The following FMNL3 variants were observed in gnomAD, a reference collection of about 807,000 sequenced individuals.
The protein encoded by FMNL3 is formin like 3, also known as formin-like protein 3.
In FMNL3, 57 loss-of-function variants were observed where a neutral mutation model predicts 119.6. The observed-to-expected ratio is 0.48, with a 90% confidence interval of 0.39 to 0.59. The LOEUF is 0.59. FMNL3 is among the 20% of genes least tolerant of loss of function. The pLI, the probability that FMNL3 is intolerant of heterozygous loss-of-function variation, is 0.00. For synonymous variants in FMNL3, 491 were observed against 507.3 expected (o/e 0.97, Z 0.43); for missense variants, 1,053 against 1,323.5 (o/e 0.80, Z 3.17).
At position 49,645,013 on chromosome 12, in the gene FMNL3, A is replaced by T. The variant is rs1421175206; in HGVS notation, c.*802T>A. ...AGGAAAGGGAGGTGGTACATGTACA[A>T]AAAAGTGGGCCCCCACATTCCCTTC... On this transcript the variant is annotated 3_prime_UTR_variant, in exon 26 of 26. Transcript: ENST00000335154. 1 of 151,740 alleles carries T rather than the reference A, an allele frequency of 6.6e-6. No individual in the cohort carries two copies. The highest frequency in any genetic ancestry group is 1.5e-5 in the Non-Finnish European group (1 of 67,952). 9.4% of individuals were successfully genotyped at this position (151,740 alleles called of 1,614,324 possible). A position where few individuals can be genotyped will look rare whatever the true frequency, so the allele number is the denominator to read the frequency against.
chr12:49,646,060 T>C (rs1021739929), intron 25 of FMNL3, among the ~76,000 whole-genome samples, 157 bp from the exon 26 acceptor site: 6 of 151,930 alleles, frequency 3.9e-5, no homozygotes, highest in Non-Finnish European at 5.9e-5. Context: ...GTTGGGGAAA[T>C]TGCTGGTTGG....
At position 49,657,186 on chromosome 12, in the gene FMNL3, T is replaced by C. The variant is rs1304322095; in HGVS notation, c.610A>G (p.Ser204Gly). The change falls in exon 7 of 26, where the codon AGC becomes GGC. Residue 204 changes from serine to glycine, a missense_variant. Ser to Gly is a moderately conservative substitution (Grantham distance 56). This residue lies in a region of FMNL3 where 264 missense variants were observed against 265.5 expected (regional missense o/e 0.99). Transcript: ENST00000335154. ...AGGGCCCTGCGCCCAGGGAGAGTGC[T>C]ATACCTGGGGAGATGGGCCAGGCAG... is the stretch of plus-strand genomic sequence containing the variant. Reference protein sequence around the residue: ...RSARQSVLRYSTLPGRRALKN... With the variant: ...RSARQSVLRYGTLPGRRALKN... 2 of 1,613,492 alleles carry C rather than the reference T, an allele frequency of 1.2e-6. No homozygotes were observed. The highest frequency in any genetic ancestry group is 8.5e-7 in the Non-Finnish European group (1 of 1,179,682).
Position 49,636,962 on chromosome 12 carries a change from C to A in FMNL3, c.*8853G>T. 1 of 1,491,306 alleles carries A rather than the reference C, an allele frequency of 6.7e-7. No individual in the cohort carries two copies. 92.4% of individuals were successfully genotyped at this position (1,491,306 alleles called of 1,614,324 possible). Reference sequence around the variant, plus strand: ...CTGCCTGTTCTTTCTGTGCCTAGCCCTGTCCAAGCTCTATGAGACCTCTCT... The same window carrying A: ...CTGCCTGTTCTTTCTGTGCCTAGCCATGTCCAAGCTCTATGAGACCTCTCT... On this transcript the variant is annotated 3_prime_UTR_variant, in exon 26 of 26. Coordinates refer to ENST00000335154, the MANE Select transcript of FMNL3 (RefSeq NM_175736.5).
chr12:49,691,545 A>G (rs903984027), intron 1 of FMNL3, among the ~76,000 whole-genome samples: 3 of 152,240 alleles, frequency 2.0e-5, no homozygotes, highest in African/African-American at 7.2e-5. Context: ...GCCTACATTA[A>G]ATAATTTAAA....
Position 49,649,357 on chromosome 12 carries a change from G to A in FMNL3, c.2305-18C>T. 6.2e-7 allele frequency: 1 copy of A among 1,614,114 alleles called. No individual in the cohort carries two copies. Among genetic ancestry groups the A allele is most frequent in the South Asian group, 1.1e-5 (1 of 91,076 alleles). On this transcript the variant is annotated intron_variant, in intron 19 of 25. Transcript: ENST00000335154. The surrounding 1 kb of genome is among the most constrained non-coding windows in gnomAD (Gnocchi z 5.6). ...AGTATGATCTGTCCAAAGAATGTGTGGGAGGCAGGTCAGGCTCAGGTCCTG... is the reference window on the plus strand; with the variant it reads ...AGTATGATCTGTCCAAAGAATGTGTAGGAGGCAGGTCAGGCTCAGGTCCTG...
chr12:49,651,554 A>C (rs1306562842), intron 14 of FMNL3, 104 bp from the exon 15 acceptor site: 16 of 1,027,090 alleles, frequency 1.6e-5, no homozygotes, highest in African/African-American at 8.2e-5. Flanking sequence ...AAAAAAAAAA[A>C]AAACTCTCAG....
At chr12:49,674,339 T>TAG (rs1287710355) in intron 1 of FMNL3, among the ~76,000 whole-genome samples, 1 of 152,194 alleles carries the variant, frequency 6.6e-6, no homozygotes, top group Non-Finnish European at 1.5e-5. Flanking sequence ...CCTGCCTCGA[T>TAG]AGAGTAGGGG....
At chr12:49,677,402 T>A (rs926470811) in intron 1 of FMNL3, among the ~76,000 whole-genome samples, 2 of 152,244 alleles carry the variant, frequency 1.3e-5, no homozygotes, top group African/African-American at 4.8e-5. Flanking sequence ...ACTTACTAGC[T>A]GTGTGGCTTT....
rs776127111 is a variant in FMNL3, at chr12:49,637,535, T to C, written c.*8280A>G. 1 of 1,613,964 alleles carries C rather than the reference T, an allele frequency of 6.2e-7. No homozygotes were observed. The highest frequency in any genetic ancestry group is 8.5e-7 in the Non-Finnish European group (1 of 1,180,044). Reference sequence around the variant, plus strand: ...CTATGTCCACCTGGATGGAGCTATATCCAGCAGTCAGCACTGATGTCCGCT... The same window carrying C: ...CTATGTCCACCTGGATGGAGCTATACCCAGCAGTCAGCACTGATGTCCGCT... On this transcript the variant is annotated 3_prime_UTR_variant, in exon 26 of 26. Transcript: ENST00000335154.
At chr12:49,704,959 T>G (rs2139078140) in intron 1 of FMNL3, among the ~76,000 whole-genome samples, 1 of 152,298 alleles carries the variant, frequency 6.6e-6, no homozygotes, top group South Asian at 2.1e-4. Context: ...CCCCTAAGCC[T>G]GTACCTGGGT....
At chr12:49,707,025 G>A (rs1222622366) in intron 1 of FMNL3, 30 bp downstream of exon 1, 2 of 1,557,584 alleles carry the variant, frequency 1.3e-6, no homozygotes, top group African/African-American at 2.7e-5. Context: ...GGGGCGGTAC[G>A]CGGGGGAAGG....
chr12:49,651,159 C>A lies in FMNL3; in HGVS notation c.1797+9G>T. ...CAACCTTAGCCCTCTGGACCCCAGGCCCTGTTACCTCCAAGATCTTCTCAT... is the reference window on the plus strand; with the variant it reads ...CAACCTTAGCCCTCTGGACCCCAGGACCTGTTACCTCCAAGATCTTCTCAT... On this transcript the variant is annotated intron_variant, in intron 16 of 25. Coordinates refer to ENST00000335154, the MANE Select transcript of FMNL3 (RefSeq NM_175736.5). 6.2e-7 allele frequency: 1 copy of A among 1,611,970 alleles called. No individual in the cohort carries two copies. Among genetic ancestry groups the A allele is most frequent in the Non-Finnish European group, 8.5e-7 (1 of 1,178,110 alleles).
In FMNL3 at chr12:49,653,889, G is replaced by A; in HGVS notation, c.1072-15C>T. On this transcript the variant is annotated splice_polypyrimidine_tract_variant and intron_variant, in intron 11 of 25. Coordinates refer to ENST00000335154, the MANE Select transcript of FMNL3 (RefSeq NM_175736.5). ...TGCCTTGACTTCTGGGGGAAGAGCAGAGAGTAGGAGTAGTTGTAGGAGCAG... is the reference window on the plus strand; with the variant it reads ...TGCCTTGACTTCTGGGGGAAGAGCAAAGAGTAGGAGTAGTTGTAGGAGCAG... The A allele has an allele frequency of 6.2e-7, 1 of 1,613,656 alleles. No homozygotes were observed. Among genetic ancestry groups the A allele is most frequent in the South Asian group, 1.1e-5 (1 of 91,044 alleles).
At chr12:49,682,576 G>C (rs1392347707) in intron 1 of FMNL3, among the ~76,000 whole-genome samples, 1 of 151,834 alleles carries the variant, frequency 6.6e-6, no homozygotes, top group Non-Finnish European at 1.5e-5. Flanking sequence ...TGAACTCCTG[G>C]TCCCAATTGA....
intron 1 of FMNL3, among the ~76,000 whole-genome samples, chr12:49,686,772 G>A (rs1303048257): frequency 6.6e-6 from 1 of 152,058 alleles, no homozygotes; most frequent in Non-Finnish European, 1.5e-5. Context: ...TCAGACTTGA[G>A]AAGCCTAGGA....
chr12:49,686,230 C>T (rs1322761237), intron 1 of FMNL3, among the ~76,000 whole-genome samples: 1 of 151,512 alleles, frequency 6.6e-6, no homozygotes, highest in Non-Finnish European at 1.5e-5. Flanking sequence ...GCCTCAGCCT[C>T]CCAAAGTGCT....
chr12:49,681,714 G>A lies in FMNL3; in HGVS notation c.127-13160C>T, dbSNP rs376751743. On this transcript the variant is annotated intron_variant, in intron 1 of 25. Transcript: ENST00000335154. ...TAGGACTACAGGCATGTGCCACCACGCTTGGCTAATTTTTTTTTTTTTTTG... is the reference window on the plus strand; with the variant it reads ...TAGGACTACAGGCATGTGCCACCACACTTGGCTAATTTTTTTTTTTTTTTG... 1.2e-4 allele frequency among the ~76,000 whole-genome samples: 18 copies of A among 151,308 alleles called. No homozygotes were observed. The South Asian group carries it at 1.2e-3, about 10-fold the overall frequency.
At chr12:49,678,752 A>G (rs1313909607) in intron 1 of FMNL3, among the ~76,000 whole-genome samples, 1 of 152,174 alleles carries the variant, frequency 6.6e-6, no homozygotes, top group Non-Finnish European at 1.5e-5. Flanking sequence ...CATGAGCCAC[A>G]GTGCCCCACC....
In FMNL3 at chr12:49,643,268, C is replaced by A. The variant is rs775966493; in HGVS notation, c.*2547G>T. The A allele has an allele frequency of 1.9e-6, 3 of 1,614,036 alleles. No homozygotes were observed. Among genetic ancestry groups the A allele is most frequent in the Non-Finnish European group, 2.5e-6 (3 of 1,180,000 alleles). On this transcript the variant is annotated 3_prime_UTR_variant, in exon 26 of 26. Transcript: ENST00000335154. ...GGAGCTGCCCCCACCATCTCTCCGG[C>A]CCCCCAAGCGGAGGAGGCGGAACCC...
Sources: gnomAD v4.1 joint callset for allele counts (sites outside exome capture counted in the v4.1 genomes callset) on GRCh38, gnomAD v4.1.1 for gene constraint, gnomAD v4.1.1 regional missense constraint, Gnocchi (gnomAD v3.1) non-coding constraint, MANE v1.5 for transcripts, NCBI Gene and HGNC (gene_info 2026-07-23, HGNC 2026-07-21) for gene names.